TNRC6A: variants seen among roughly 807,000 people sequenced by gnomAD.
The protein encoded by TNRC6A is trinucleotide repeat-containing gene 6A protein.
A neutral mutation model predicts 221.2 loss-of-function variants in TNRC6A; 44 were observed. The observed-to-expected ratio is 0.20, with a 90% CI of 0.16 to 0.26. TNRC6A has a LOEUF of 0.26. Ranked by LOEUF, TNRC6A falls within the 10% of genes least tolerant of loss-of-function variation. The probability of loss-of-function intolerance (pLI) is 1.00; values close to 1 mark genes in which losing one functional copy is unlikely to be tolerated. For missense variants in TNRC6A, 2,199 were observed against 2,404.4 expected (o/e 0.91, Z 1.79); for synonymous variants, 847 against 838.5 (o/e 1.01, Z -0.18).
intron 4 of TNRC6A, 140 bp downstream of exon 4, chr16:24,758,500 T>TG: frequency 7.1e-6 from 6 of 847,180 alleles, no homozygotes; most frequent in Non-Finnish European, 1.1e-5. Flanking sequence ...TAACATACCC[T>TG]GGGGTCGTCC....
At chr16:24,787,094 G>T (rs2057989766) in intron 5 of TNRC6A, among the ~76,000 whole-genome samples, 1 of 152,144 alleles carries the variant, frequency 6.6e-6, no homozygotes, top group African/African-American at 2.4e-5. Context: ...AAGCATTCTG[G>T]CTACCCAATC....
chr16:24,718,910 G>A (rs549077751), intron 2 of TNRC6A, among the ~76,000 whole-genome samples: 15 of 151,766 alleles, frequency 9.9e-5, no homozygotes, highest in Admixed American at 7.2e-4. Context: ...GGTGGTGGGT[G>A]TCTGTAATCC....
At chr16:24,640,396 T>A in intron 1 of TNRC6A, among the ~76,000 whole-genome samples, 3 of 124,926 alleles carry the variant, frequency 2.4e-5, no homozygotes, top group African/African-American at 9.5e-5. Flanking sequence ...TAAAATCCTG[T>A]CCAAAAAAAA....
At chr16:24,695,052 C>A (rs1300945263) in intron 2 of TNRC6A, among the ~76,000 whole-genome samples, 1 of 152,136 alleles carries the variant, frequency 6.6e-6, no homozygotes, top group Non-Finnish European at 1.5e-5. Flanking sequence ...ATTCAGAAAA[C>A]CCACATCGGA....
At chr16:24,707,348 G>GCA (rs1491199124) in intron 2 of TNRC6A, among the ~76,000 whole-genome samples, 8 of 69,538 alleles carry the variant, frequency 1.2e-4, no homozygotes, top group Admixed American at 1.0e-3. Flanking sequence ...GGGAACATGG[G>GCA]CGCACACACA....
chr16:24,820,655 T>C (rs969440862), intron 22 of TNRC6A, among the ~76,000 whole-genome samples: 1 of 152,202 alleles, frequency 6.6e-6, no homozygotes, highest in Non-Finnish European at 1.5e-5. Context: ...GAAGGCAGTA[T>C]TGGGCAAGTC....
At chr16:24,737,390 T>C (rs554614335) in intron 2 of TNRC6A, among the ~76,000 whole-genome samples, 2 of 152,198 alleles carry the variant, frequency 1.3e-5, no homozygotes, top group African/African-American at 4.8e-5. Context: ...AAAATAAATA[T>C]AGTTTAAATT....
intron 2 of TNRC6A, among the ~76,000 whole-genome samples, chr16:24,708,277 G>T (rs2142281257): frequency 6.8e-6 from 1 of 147,340 alleles, no homozygotes; most frequent in East Asian, 2.0e-4. Context: ...GTCTCGCTCT[G>T]TCGCCCAGGC....
At chr16:24,664,771 A>ACT (rs1567336898) in intron 2 of TNRC6A, 2 of 116,570 alleles carry the variant, frequency 1.7e-5, no homozygotes, top group Non-Finnish European at 2.9e-5. Flanking sequence ...TCCCCAAATC[A>ACT]CACACACACA....
At chr16:24,689,690 G>T (rs898305814) in intron 2 of TNRC6A, among the ~76,000 whole-genome samples, 3 of 151,896 alleles carry the variant, frequency 2.0e-5, no homozygotes, top group African/African-American at 7.3e-5. Context: ...TTTAGTGGAG[G>T]AACAGACAAT....
chr16:24,709,516 A>C (rs550242936), intron 2 of TNRC6A, among the ~76,000 whole-genome samples: 18 of 152,228 alleles, frequency 1.2e-4, no homozygotes, highest in African/African-American at 4.3e-4. Context: ...AGGCTAAGTG[A>C]GGAAAAATAA....
rs887844873 is a variant in TNRC6A, at chr16:24,676,043, C to G, written n.402+35034C>G. Among the ~76,000 whole-genome samples the G allele has an allele frequency of 8.6e-5, 13 of 151,966 alleles. No homozygotes were observed. The East Asian group carries it at 2.5e-3, about 29-fold the overall frequency. ...GGAAAAGGAAGGGCTGGCAGCCTCCCAGAGACTGAAATAACCTCAAGAATG... is the reference window on the plus strand; with the variant it reads ...GGAAAAGGAAGGGCTGGCAGCCTCCGAGAGACTGAAATAACCTCAAGAATG... On this transcript the variant is annotated intron_variant and non_coding_transcript_variant, in intron 2 of 2. Transcript: ENST00000566108.
chr16:24,823,885 C>T lies in TNRC6A; in HGVS notation c.*78C>T, dbSNP rs1385910230. 7.4e-7 allele frequency: 1 copy of T among 1,343,264 alleles called. No homozygotes were observed. The highest frequency in any genetic ancestry group is 9.7e-7 in the Non-Finnish European group (1 of 1,034,906). 83.2% of individuals were successfully genotyped at this position (1,343,264 alleles called of 1,614,324 possible). ...ACTAAGTGGGGCTCGCCGCCTGCAG[C>T]CAGGGGCCGCCTGTGGGAACAGCTA... On this transcript the variant is annotated 3_prime_UTR_variant, in exon 25 of 25. Transcript: ENST00000395799. The surrounding 1 kb of genome is among the most constrained non-coding windows in gnomAD (Gnocchi z 4.3).
chr16:24,744,651 TCTG>T (rs1454123462), intron 2 of TNRC6A, among the ~76,000 whole-genome samples: 1 of 152,202 alleles, frequency 6.6e-6, no homozygotes, highest in East Asian at 1.9e-4. Context: ...CATACTGTCA[TCTG>T]GATCCTTACT....
chr16:24,739,478 CTTT>C (rs71383710), intron 2 of TNRC6A, among the ~76,000 whole-genome samples: 1 of 118,290 alleles, frequency 8.5e-6, no homozygotes. Context: ...TTTCCTTTCA[CTTT>C]TTTTTTTTTT....
At chr16:24,621,984 T>C (rs1052329561) in intron 1 of TNRC6A, among the ~76,000 whole-genome samples, 6 of 152,218 alleles carry the variant, frequency 3.9e-5, no homozygotes, top group African/African-American at 1.4e-4. Context: ...AAGGGATTTA[T>C]CTTCCTAGTG....
intron 2 of TNRC6A, among the ~76,000 whole-genome samples, chr16:24,657,503 A>C (rs1437322421): frequency 6.6e-6 from 1 of 152,142 alleles, no homozygotes; most frequent in Non-Finnish European, 1.5e-5. Context: ...TCAGGTCAGG[A>C]GTTCAAGACC....
rs2058049701 is a variant in TNRC6A, at chr16:24,789,530, A to G, written c.888A>G (p.Val296=). The G allele has an allele frequency of 6.2e-7, 1 of 1,614,192 alleles. No homozygotes were observed. The change falls in exon 6 of 25, where the codon GTA becomes GTG. Residue 296 remains valine (V), a synonymous_variant. Transcript: ENST00000395799. ...STGLGSQNKF[V]VGSSSNNVGH... ...GACTTGGTTCCCAAAACAAGTTTGT[A>G]GTTGGTAGCAGCAGCAATAATGTGG...
At chr16:24,613,740 T>C (rs975647725) in intron 1 of TNRC6A, among the ~76,000 whole-genome samples, 1 of 152,078 alleles carries the variant, frequency 6.6e-6, no homozygotes, top group African/African-American at 2.4e-5. Context: ...TTCGCCATGT[T>C]GGCCAGGCTA....
Sources: allele counts gnomAD v4.1 joint callset (sites outside exome capture counted in the v4.1 genomes callset), GRCh38; gene constraint gnomAD v4.1.1; non-coding constraint Gnocchi (gnomAD v3.1); transcripts MANE v1.5; gene names NCBI Gene and HGNC (gene_info 2026-07-23, HGNC 2026-07-21).